The following GABRA3 variants were observed in gnomAD, a reference collection of about 807,000 sequenced individuals.
The protein encoded by GABRA3 is gamma-aminobutyric acid receptor subunit alpha-3.
Under a neutral mutation model 30.1 loss-of-function variants are expected in GABRA3, and 10 were observed. That is an observed-to-expected ratio of 0.33 (90% CI 0.20 to 0.56). The LOEUF is 0.56. GABRA3 is among the 20% of genes least tolerant of loss of function. The pLI, the probability that GABRA3 is intolerant of heterozygous loss-of-function variation, is 0.89. For synonymous variants in GABRA3, 151 were observed against 146.8 expected (o/e 1.03, Z -0.21); for missense variants, 233 against 392.0 (o/e 0.59, Z 3.42).
intron 6 of GABRA3, among the ~76,000 whole-genome samples, chrX:152,222,783 A>C (rs1161614308): frequency 9.1e-6 from 1 of 110,116 alleles, no homozygotes; most frequent in Admixed American, 9.8e-5. Flanking sequence ...TATAGTTTTG[A>C]CTAATCTAGT....
chrX:152,436,796 CAA>C (rs759345685), intron 1 of GABRA3, among the ~76,000 whole-genome samples: 142 of 111,338 alleles, frequency 1.3e-3, no homozygotes, highest in African/African-American at 4.3e-3. Context: ...TAGAACAAAA[CAA>C]GAGAGAATTA....
chrX:152,169,865 A>G (rs112471487), intron 9 of GABRA3, among the ~76,000 whole-genome samples: 220 of 110,432 alleles, frequency 2.0e-3, no homozygotes, highest in African/African-American at 6.6e-3. Context: ...CTCTATTTCC[A>G]TCCTCTCTTG....
intron 4 of GABRA3, among the ~76,000 whole-genome samples, chrX:152,277,478 CCT>C (rs1376200922): frequency 4.5e-5 from 5 of 110,986 alleles, no homozygotes; most frequent in Admixed American, 3.9e-4. Flanking sequence ...CATTTTCCCC[CCT>C]GATTATCCAC....
intron 3 of GABRA3, among the ~76,000 whole-genome samples, chrX:152,313,320 C>T (rs1180126880): frequency 9.0e-6 from 1 of 111,354 alleles, no homozygotes. Context: ...TGTCTCAAAG[C>T]ACCTCTCAGT....
intron 9 of GABRA3, among the ~76,000 whole-genome samples, chrX:152,174,032 C>T (rs887596112): frequency 1.1e-4 from 12 of 110,325 alleles, no homozygotes; most frequent in Admixed American, 3.9e-4. Flanking sequence ...TGAGTGAGAA[C>T]ATGCGGTGTT....
chrX:152,405,648 C>G (rs1354011057), intron 1 of GABRA3, among the ~76,000 whole-genome samples: 1 of 111,117 alleles, frequency 9.0e-6, no homozygotes, highest in African/African-American at 3.3e-5. Flanking sequence ...TAAAATAAAC[C>G]ACCAAGCAAA....
At chrX:152,360,246 A>C (rs1252550644) in intron 2 of GABRA3, among the ~76,000 whole-genome samples, 27 of 69,056 alleles carry the variant, frequency 3.9e-4, no homozygotes, top group Non-Finnish European at 6.5e-4. Context: ...CGCCACACTG[A>C]CTTCCACAAT....
rs758945770 is a variant in GABRA3, at chrX:152,441,609, G to A, written c.-27+9537C>T. On this transcript the variant is annotated intron_variant, in intron 1 of 9. Coordinates refer to ENST00000370314, the MANE Select transcript of GABRA3 (RefSeq NM_000808.4). ...ACTTGACTTTACAAATATCAAATTC[G>A]TTATAAAGCATTTGTAGGTAAAACA... Among the ~76,000 whole-genome samples, 5 of 111,574 alleles carry A rather than the reference G, an allele frequency of 4.5e-5. No homozygotes were observed. In the East Asian group the frequency reaches 8.4e-4, roughly 19 times the overall value.
At chrX:152,433,761 T>C (rs1302371861) in intron 1 of GABRA3, among the ~76,000 whole-genome samples, 1 of 95,065 alleles carries the variant, frequency 1.1e-5, no homozygotes, top group Non-Finnish European at 2.1e-5. Context: ...AAAAGATCAA[T>C]AAAAGTAGTA....
At chrX:152,395,083 C>A (rs894106761) in intron 1 of GABRA3, among the ~76,000 whole-genome samples, 1 of 110,561 alleles carries the variant, frequency 9.0e-6, no homozygotes, top group Non-Finnish European at 1.9e-5. Context: ...CAATTAATGA[C>A]TTTGGCCCAA....
chrX:152,272,329 G>A (rs1350033049), intron 4 of GABRA3, among the ~76,000 whole-genome samples: 1 of 112,581 alleles, frequency 8.9e-6, no homozygotes, highest in Non-Finnish European at 1.9e-5. Context: ...TGAATTCAAA[G>A]GAGATCATTT....
rs200115285 is a variant in GABRA3, at chrX:152,345,569, A to C, written c.262+12T>G. 1.2e-5 allele frequency: 14 copies of C among 1,195,673 alleles called. No individual in the cohort carries two copies. The African/African-American group carries it at 2.3e-4, about 20-fold the overall frequency. ...ATCTGAAAAGGACTTCAAAGATCTT[A>C]AAAGGACTGACCTCCAAGCCCAGGT... On this transcript the variant is annotated intron_variant, in intron 3 of 9. Transcript: ENST00000370314.
intron 1 of GABRA3, among the ~76,000 whole-genome samples, chrX:152,442,268 T>C (rs1289271610): frequency 1.8e-5 from 2 of 110,747 alleles, no homozygotes; most frequent in East Asian, 5.7e-4. Context: ...TATTAAAACA[T>C]ATCAAAAGCC....
At chrX:152,229,116 C>T (rs1410972048) in intron 5 of GABRA3, among the ~76,000 whole-genome samples, 1 of 111,253 alleles carries the variant, frequency 9.0e-6, no homozygotes, top group Non-Finnish European at 1.9e-5. Flanking sequence ...CTTTTCCAAC[C>T]TTTCTCCCTC....
At position 152,345,711 on chromosome X, in the gene GABRA3, A is replaced by G; in HGVS notation, c.141-9T>C. On this transcript the variant is annotated splice_polypyrimidine_tract_variant and intron_variant, in intron 2 of 9. Transcript: ENST00000370314. ...CATGCTTAGGAGACAGCCTGAGGCAATGCAAGGAAAAGAAAAAAAATAATA... is the reference window on the plus strand; with the variant it reads ...CATGCTTAGGAGACAGCCTGAGGCAGTGCAAGGAAAAGAAAAAAAATAATA... 8.6e-7 allele frequency: 1 copy of G among 1,157,706 alleles called. No homozygotes were observed. The highest frequency in any genetic ancestry group is 1.1e-6 in the Non-Finnish European group (1 of 876,263).
intron 9 of GABRA3, among the ~76,000 whole-genome samples, chrX:152,182,328 C>T: frequency 1.0e-5 from 1 of 100,327 alleles, no homozygotes; most frequent in Non-Finnish European, 2.0e-5. Flanking sequence ...CACACACACA[C>T]ACACACACAG....
intron 8 of GABRA3, among the ~76,000 whole-genome samples, chrX:152,195,449 T>C (rs142060472): frequency 1.8e-5 from 2 of 112,072 alleles, no homozygotes; most frequent in East Asian, 5.6e-4. Flanking sequence ...CCTAAAACAA[T>C]TAAATGCCTT....
intron 1 of GABRA3, among the ~76,000 whole-genome samples, chrX:152,415,193 T>C (rs1930179858): frequency 9.0e-6 from 1 of 111,235 alleles, no homozygotes; most frequent in South Asian, 3.7e-4. Context: ...TATTCACTCA[T>C]TCATAGTAAC....
At chrX:152,292,939 T>C (rs1017263051) in intron 3 of GABRA3, among the ~76,000 whole-genome samples, 2 of 111,817 alleles carry the variant, frequency 1.8e-5, no homozygotes, top group Admixed American at 1.9e-4. Context: ...TTTCTGTTCT[T>C]TTACATGTGC....
Sources: gnomAD v4.1 joint callset for allele counts (sites outside exome capture counted in the v4.1 genomes callset) on GRCh38, gnomAD v4.1.1 for gene constraint, MANE v1.5 for transcripts, NCBI Gene and HGNC (gene_info 2026-07-23, HGNC 2026-07-21) for gene names.